Variants in DNAJC13 observed in about 807,000 individuals in gnomAD.
DNAJC13 encodes the protein DnaJ heat shock protein family (Hsp40) member C13.
DNAJC13 carries 75 observed loss-of-function variants against 290.5 expected under a neutral mutation model. The observed-to-expected ratio is 0.26, with a 90% CI of 0.21 to 0.31. The LOEUF is 0.31. DNAJC13 is among the 10% of genes least tolerant of loss of function. The pLI is 1.00. For missense variants in DNAJC13, 2,260 were observed against 2,674.5 expected, an observed-to-expected ratio of 0.85 and a Z score of 3.42; for synonymous variants, 862 against 892.0, an observed-to-expected ratio of 0.97 and a Z score of 0.60.
rs954308 is a variant in DNAJC13 at position 132,517,146 on chromosome 3, G to A, written c.5673+330G>A. Among the ~76,000 whole-genome samples, 76,292 of 152,086 alleles carry A rather than the reference G, an allele frequency of 0.5. 22,440 individuals carry two copies. The highest frequency in any genetic ancestry group is 0.8 in the African/African-American group (33,388 of 41,490). On this transcript the variant is annotated intron_variant, in intron 48 of 55. Coordinates refer to ENST00000260818, the MANE Select transcript of DNAJC13 (RefSeq NM_015268.4). ...TTTCACACTACAAGGATTGGCCTGT[G>A]GAAATAACTAGTGAAGGAGATGGTG...
chr3:132,421,645 G>A (rs1938962582), intron 1 of DNAJC13, among the ~76,000 whole-genome samples: 1 of 150,268 alleles, frequency 6.7e-6, no homozygotes, highest in Admixed American at 6.6e-5. Flanking sequence ...TCACCATGTT[G>A]CCCAGGCTGG....
rs778015144 is a variant in DNAJC13 at position 132,478,114 on chromosome 3, A to G, written c.2683A>G (p.Arg895Gly). 3 of 1,611,440 alleles carry G rather than the reference A, an allele frequency of 1.9e-6. No individual in the cohort carries two copies. The highest frequency in any genetic ancestry group is 1.3e-5 in the African/African-American group (1 of 74,760). ...AGAAATAGGACCTTTTACAGATACC[A>G]GATATATCATTGGAATGTTAGAGAG... ...HEEIGPFTDT[R>G]YIIGMLERCT... Residue 895 changes from arginine to glycine, a missense_variant, in exon 24 of 56, where the codon AGA becomes GGA. Arg to Gly is a moderately radical substitution (Grantham distance 125, BLOSUM62 -2). Around this residue, in one of 3 missense-constraint regions of DNAJC13, gnomAD observed 1,494 missense variants for 1,693.7 expected, o/e 0.88. Transcript: ENST00000260818.
intron 25 of DNAJC13, 61 bp downstream of exon 25, chr3:132,479,350 CT>C: frequency 8.4e-7 from 1 of 1,196,118 alleles, no homozygotes; most frequent in Non-Finnish European, 1.2e-6. Context: ...GTAAGATAAA[CT>C]CACAGTTTGA....
In DNAJC13 at chr3:132,528,237, A is replaced by G; in HGVS notation, c.6430A>G (p.Ile2144Val). 6.2e-7 allele frequency: 1 copy of G among 1,614,214 alleles called. No homozygotes were observed. Among genetic ancestry groups the G allele is most frequent in the Non-Finnish European group, 8.5e-7 (1 of 1,180,022 alleles). The change falls in exon 54 of 56, where the codon ATT becomes GTT. Residue 2144 changes from isoleucine to valine, a missense_variant. Physicochemically the swap from Ile to Val is conservative, Grantham distance 29. Coordinates refer to ENST00000260818, the MANE Select transcript of DNAJC13 (RefSeq NM_015268.4). ...VPYLLKLLEG[I>V]GLENLDSPAA... The stretch of plus-strand genomic sequence containing the variant: ...ATACCTCTTAAAATTACTCGAAGGC[A>G]TTGGCCTTGAAAACCTGGACAGCCC...
chr3:132,511,822 A>G (rs561211032), intron 44 of DNAJC13, among the ~76,000 whole-genome samples: 2 of 152,308 alleles, frequency 1.3e-5, no homozygotes, highest in South Asian at 4.1e-4. Flanking sequence ...GATAATAAAT[A>G]TAGAACATAA....
At chr3:132,469,012 GA>G (rs1385012808) in intron 20 of DNAJC13, among the ~76,000 whole-genome samples, 1 of 152,142 alleles carries the variant, frequency 6.6e-6, no homozygotes, top group Non-Finnish European at 1.5e-5. Context: ...AATTGAGAGG[GA>G]AAAGGATATT....
chr3:132,534,461 G>C (rs773434467), intron 55 of DNAJC13, among the ~76,000 whole-genome samples: 68 of 152,232 alleles, frequency 4.5e-4, no homozygotes, highest in South Asian at 1.0e-3. Context: ...TTCCAGACCA[G>C]CGTGGGCAAC....
Position 132,460,852 on chromosome 3 carries a change from G to T in DNAJC13, c.1558-198G>T, listed in dbSNP as rs186569834. Among the ~76,000 whole-genome samples the T allele has an allele frequency of 3.9e-3, 556 of 141,488 alleles. 8 individuals carry two copies. The highest frequency in any genetic ancestry group is 0.016 in the African/African-American group (518 of 31,596). The allele number at this position is 141,488 out of a possible 152,430, so 92.8% of individuals were successfully genotyped here. On this transcript the variant is annotated intron_variant, in intron 14 of 55. Coordinates refer to ENST00000260818, the MANE Select transcript of DNAJC13 (RefSeq NM_015268.4). ...TTGAATTTTAATTGTTCCTTTTGAG[G>T]TATGATGGATAATGGATTCACTATA... is the stretch of plus-strand genomic sequence containing the variant.
At chr3:132,500,063 G>C (rs1935362388) in intron 38 of DNAJC13, among the ~76,000 whole-genome samples, 1 of 152,130 alleles carries the variant, frequency 6.6e-6, no homozygotes, top group Non-Finnish European at 1.5e-5. Context: ...TGATCTGTTG[G>C]CTTACGTTTT....
At chr3:132,430,972 A>G (rs1939225099) in intron 1 of DNAJC13, among the ~76,000 whole-genome samples, 1 of 152,118 alleles carries the variant, frequency 6.6e-6, no homozygotes, top group Admixed American at 6.5e-5. Flanking sequence ...ACTGTAAGAA[A>G]TTTCTTCTTT....
intron 1 of DNAJC13, among the ~76,000 whole-genome samples, chr3:132,419,536 C>G (rs1046277545): frequency 6.6e-6 from 1 of 152,094 alleles, no homozygotes; most frequent in Non-Finnish European, 1.5e-5. Context: ...TAGTGGAGTC[C>G]GGTTCTCAAT....
At chr3:132,487,036 A>G (rs1479654662) in intron 29 of DNAJC13, among the ~76,000 whole-genome samples, 1 of 152,150 alleles carries the variant, frequency 6.6e-6, no homozygotes, top group Non-Finnish European at 1.5e-5. Context: ...CATTAACACT[A>G]GGGAAAATTC....
chr3:132,477,683 T>C (rs1559887624), intron 22 of DNAJC13, 106 bp from the exon 23 acceptor site: 2 of 767,128 alleles, frequency 2.6e-6, no homozygotes, highest in Non-Finnish European at 2.1e-6. Flanking sequence ...TTAACAGGTA[T>C]TTTAAGAAAT....
chr3:132,446,569 G>A lies in DNAJC13; in HGVS notation c.144+19G>A, dbSNP rs192221043. Reference sequence around the variant, plus strand: ...AAATCAGGTAATCCTGTTAGAAGCTGTTAGGTGTTTGTATGAACTCCCTTT... The same window carrying A: ...AAATCAGGTAATCCTGTTAGAAGCTATTAGGTGTTTGTATGAACTCCCTTT... On this transcript the variant is annotated intron_variant, in intron 3 of 55. Coordinates refer to ENST00000260818, the MANE Select transcript of DNAJC13 (RefSeq NM_015268.4). The A allele has an allele frequency of 2.6e-3, 4,014 of 1,567,790 alleles. 5 individuals are homozygous for A. Among genetic ancestry groups the A allele is most frequent in the Non-Finnish European group, 3.1e-3 (3,563 of 1,154,128 alleles).
chr3:132,465,687 ATTGTTTTTG>A (rs917862678), intron 17 of DNAJC13, among the ~76,000 whole-genome samples: 5 of 151,856 alleles, frequency 3.3e-5, no homozygotes, highest in African/African-American at 1.2e-4. Context: ...ATCAAATCTA[ATTGTTTTTG>A]TTGTTTTTTT....
intron 17 of DNAJC13, among the ~76,000 whole-genome samples, chr3:132,464,959 C>G (rs1317603710): frequency 6.6e-6 from 1 of 152,126 alleles, no homozygotes; most frequent in Non-Finnish European, 1.5e-5. Context: ...AGAAATATCA[C>G]TCTATTTGCA....
chr3:132,423,902 C>T (rs1441806003), intron 1 of DNAJC13, among the ~76,000 whole-genome samples: 1 of 152,118 alleles, frequency 6.6e-6, no homozygotes, highest in Admixed American at 6.5e-5. Context: ...AATATGGCTG[C>T]TAAAAATTTC....
chr3:132,469,404 T>A (rs770125133), intron 20 of DNAJC13, among the ~76,000 whole-genome samples: 7 of 152,260 alleles, frequency 4.6e-5, no homozygotes, highest in Non-Finnish European at 1.0e-4. Flanking sequence ...GTAGTAACCT[T>A]TGGCTAATGT....
chr3:132,463,612 TAAA>T, intron 16 of DNAJC13, 81 bp from the exon 17 acceptor site: 1 of 1,455,692 alleles, frequency 6.9e-7, no homozygotes, highest in Non-Finnish European at 9.2e-7. Flanking sequence ...TTTTTTCATT[TAAA>T]TATGTAAAAT....
Sources: gnomAD v4.1 joint callset for allele counts (sites outside exome capture counted in the v4.1 genomes callset) on GRCh38, gnomAD v4.1.1 for gene constraint, gnomAD v4.1.1 regional missense constraint, MANE v1.5 for transcripts, NCBI Gene and HGNC (gene_info 2026-07-23, HGNC 2026-07-21) for gene names.